The following ZNF559 variants were observed in gnomAD, a reference collection of about 807,000 sequenced individuals.
ZNF559 encodes putative protein product of Nbla00121.
Under a neutral mutation model 14.2 loss-of-function variants are expected in ZNF559, and 17 were observed. That is an observed-to-expected ratio of 1.20 (90% CI 0.82 to 1.80). ZNF559 has a LOEUF of 1.80. ZNF559 is among the 40% of genes most tolerant of loss of function. The pLI is 0.00. For synonymous variants in ZNF559, 244 were observed against 212.4 expected (o/e 1.15, Z -1.29); for missense variants, 740 against 629.7 (o/e 1.18, Z -1.88).
At chr19:9,328,272 C>G (rs905530857) in intron 2 of ZNF559, among the ~76,000 whole-genome samples, 1 of 148,576 alleles carries the variant, frequency 6.7e-6, no homozygotes, top group Non-Finnish European at 1.5e-5. Context: ...ATATAAAGTT[C>G]AAACATTTGC....
chr19:9,342,394 C>A lies in ZNF559; in HGVS notation c.943C>A (p.His315Asn), dbSNP rs755881184. 1 of 1,611,542 alleles carries A rather than the reference C, an allele frequency of 6.2e-7. No individual in the cohort carries two copies. The highest frequency in any genetic ancestry group is 1.1e-5 in the South Asian group (1 of 90,418). Residue 315 changes from histidine to asparagine, a missense_variant, in exon 7 of 7, where the codon CAC (histidine) becomes AAC (asparagine). By Grantham distance (68) the His-to-Asn change is moderately conservative. Transcript: ENST00000603380. ...EFTCFSKLNI[H>N]IRVHTGEKPY... ...TACTTGTTTCTCAAAACTCAACATT[C>A]ACATAAGGGTTCACACTGGAGAAAA...
intron 2 of ZNF559, among the ~76,000 whole-genome samples, chr19:9,325,368 G>A (rs984613094): frequency 1.3e-5 from 2 of 152,074 alleles, no homozygotes; most frequent in African/African-American, 4.8e-5. Context: ...CTTGAGCATG[G>A]GAGGTCGAGG....
rs374786120 is a variant in ZNF559, at chr19:9,339,359, G to C, written c.160+40G>C. 48 of 1,565,482 alleles carry C rather than the reference G, an allele frequency of 3.1e-5. No individual in the cohort carries two copies. In the South Asian group the frequency reaches 5.0e-4, roughly 16 times the overall value. On this transcript the variant is annotated intron_variant, in intron 5 of 6. Coordinates refer to ENST00000603380, the MANE Select transcript of ZNF559 (RefSeq NM_032497.3). ...ATTCTTTTCATTTAGTTTTTTTCTG[G>C]AACAAATGTGTCTTAAGTAACTATG...
At chr19:9,337,346 C>T (rs1352351443) in intron 2 of ZNF559, among the ~76,000 whole-genome samples, 1 of 152,202 alleles carries the variant, frequency 6.6e-6, no homozygotes, top group Non-Finnish European at 1.5e-5. Context: ...AAAATATACA[C>T]TTACCAGGGA....
intron 2 of ZNF559, among the ~76,000 whole-genome samples, chr19:9,336,932 T>A (rs1223736662): frequency 1.3e-5 from 2 of 152,198 alleles, no homozygotes; most frequent in African/African-American, 4.8e-5. Flanking sequence ...TCAGAAGCTA[T>A]TAAACCTACA....
chr19:9,335,506 C>T (rs1041137036), intron 2 of ZNF559, among the ~76,000 whole-genome samples: 4 of 152,176 alleles, frequency 2.6e-5, no homozygotes, highest in Admixed American at 1.3e-4. Flanking sequence ...AACTTTTGCA[C>T]AATGTGTGAT....
intron 2 of ZNF559, among the ~76,000 whole-genome samples, chr19:9,327,646 C>G (rs2066694202): frequency 6.6e-6 from 1 of 152,140 alleles, no homozygotes; most frequent in Admixed American, 6.5e-5. Flanking sequence ...GTTGTTCTTT[C>G]TCCATTCTTT....
chr19:9,345,519 GT>G lies in ZNF559; in HGVS notation c.*2455del, dbSNP rs1485002110. On this transcript the variant is annotated 3_prime_UTR_variant, in exon 7 of 7. Transcript: ENST00000603380. The stretch of plus-strand genomic sequence containing the variant: ...AATAGGTGTGTAGTAGTATCTCATG[GT>G]TTTAATTTGCATTTCCCTAGTGACT... The G allele has an allele frequency of 6.6e-6, 1 of 152,090 alleles. No individual in the cohort carries two copies. The highest frequency in any genetic ancestry group is 6.6e-5 in the Admixed American group (1 of 15,258). The allele number at this position is 152,090 out of a possible 1,614,324, so 9.4% of individuals were successfully genotyped here.
upstream of ZNF559, chr19:9,323,833 T>C (rs542099055): frequency 1.5e-5 from 5 of 326,150 alleles, no homozygotes; most frequent in African/African-American, 6.3e-5. Flanking sequence ...TTGGGACTCA[T>C]GAAGGTTCTG....
chr19:9,332,239 T>C (rs1381283905), intron 2 of ZNF559, among the ~76,000 whole-genome samples: 1 of 152,196 alleles, frequency 6.6e-6, no homozygotes, highest in Non-Finnish European at 1.5e-5. Flanking sequence ...TCTGGCCTGC[T>C]AATATGTTGC....
At chr19:9,333,808 A>G (rs10402185) in intron 2 of ZNF559, among the ~76,000 whole-genome samples, 82,835 of 151,674 alleles carry the variant, frequency 0.55, 22,798 homozygotes, top group Middle Eastern at 0.62. Flanking sequence ...GTTAATTCCA[A>G]AAATTCAAAC....
rs2067321490 is a variant in ZNF559 at position 9,337,782 on chromosome 19, TTCA to T, written c.-119-11_-119-9del. ...CTCTAGTGGCACTCACATGAACAACTTCATCTTCTGCAGAGAGATGGCTAATGA... is the reference window on the plus strand; with the variant it reads ...CTCTAGTGGCACTCACATGAACAACTTCTTCTGCAGAGAGATGGCTAATGA... On this transcript the variant is annotated splice_polypyrimidine_tract_variant and intron_variant, in intron 2 of 6. Transcript: ENST00000603380. 7.0e-7 allele frequency: 1 copy of T among 1,429,868 alleles called. No homozygotes were observed. Among genetic ancestry groups the T allele is most frequent in the Non-Finnish European group, 9.1e-7 (1 of 1,094,858 alleles). 88.6% of individuals were successfully genotyped at this position (1,429,868 alleles called of 1,614,324 possible).
At chr19:9,324,470 C>A in intron 1 of ZNF559, 1 of 1,421,076 alleles carries the variant, frequency 7.0e-7, no homozygotes, top group South Asian at 1.5e-5. Context: ...GGGGGCACGG[C>A]CTTTCCATTT....
chr19:9,338,425 G>A (rs2067359291), intron 3 of ZNF559, 69 bp from the exon 4 acceptor site: 1 of 1,161,996 alleles, frequency 8.6e-7, no homozygotes, highest in Non-Finnish European at 1.3e-6. Flanking sequence ...GTATGAGGTG[G>A]CTTCTTGCCT....
chr19:9,324,656 A>T, intron 1 of ZNF559, 39 bp from the exon 2 acceptor site: 1 of 1,415,998 alleles, frequency 7.1e-7, no homozygotes, highest in Non-Finnish European at 9.4e-7. Context: ...AAAAAAAAAA[A>T]AAGTCTCCAC....
chr19:9,341,988 C>T lies in ZNF559; in HGVS notation c.537C>T (p.His179=), dbSNP rs200257940. ...QNLHLVCKKT[H]TQEKPYKCSD... The stretch of plus-strand genomic sequence containing the variant: ...TACATCTTGTTTGCAAGAAAACTCA[C>T]ACTCAAGAGAAACCATATAAATGCA... Residue 179 remains histidine (H), a synonymous_variant, in exon 7 of 7, where the codon CAC becomes CAT. Transcript: ENST00000603380. 5.0e-6 allele frequency: 8 copies of T among 1,613,392 alleles called. No homozygotes were observed. The Admixed American group carries it at 1.2e-4, about 24-fold the overall frequency.
At chr19:9,341,058 C>A in intron 5 of ZNF559, 44 bp from the exon 6 acceptor site, 2 of 1,474,790 alleles carry the variant, frequency 1.4e-6, no homozygotes, top group Non-Finnish European at 1.9e-6. Context: ...TTTTTAAAAT[C>A]ATTATTTCTC....
At chr19:9,325,103 C>T (rs113451458) in intron 2 of ZNF559, among the ~76,000 whole-genome samples, 21 of 152,186 alleles carry the variant, frequency 1.4e-4, no homozygotes, top group African/African-American at 4.3e-4. Context: ...ATAATGAATG[C>T]GAAGATAACT....
chr19:9,335,691 C>T (rs1226396053), intron 2 of ZNF559, among the ~76,000 whole-genome samples: 1 of 152,194 alleles, frequency 6.6e-6, no homozygotes, highest in Non-Finnish European at 1.5e-5. Context: ...CGTACCACCA[C>T]ACCTGGCTAA....
Sources: allele counts gnomAD v4.1 joint callset (sites outside exome capture counted in the v4.1 genomes callset), GRCh38; gene constraint gnomAD v4.1.1; transcripts MANE v1.5; gene names NCBI Gene and HGNC (gene_info 2026-07-23, HGNC 2026-07-21).